Variants in ADD2 observed in about 807,000 individuals in gnomAD.
ADD2 encodes the protein adducin 2.
A neutral mutation model predicts 83.0 loss-of-function variants in ADD2; 23 were observed. That is an observed-to-expected ratio of 0.28 (90% CI 0.20 to 0.39). The LOEUF (loss-of-function observed/expected upper bound fraction) is 0.39, where lower values mean the gene tolerates loss of function less well. ADD2 is among the 10% of genes least tolerant of loss of function. The pLI is 1.00. For missense variants in ADD2, 758 were observed against 944.9 expected (o/e 0.80, Z 2.59); for synonymous variants, 375 against 375.4 (o/e 1.00, Z 0.01).
chr2:70,697,552 G>A (rs556764551), intron 4 of ADD2, among the ~76,000 whole-genome samples: 2 of 152,310 alleles, frequency 1.3e-5, no homozygotes, highest in East Asian at 3.9e-4. Flanking sequence ...AAAGGTTCTG[G>A]CTTAAAATGG....
intron 1 of ADD2, among the ~76,000 whole-genome samples, chr2:70,747,167 C>T (rs1190632396): frequency 6.6e-6 from 1 of 152,036 alleles, no homozygotes; most frequent in Admixed American, 6.5e-5. Context: ...CCCGCCACCA[C>T]ACCCAGCTAA....
rs1672185752 is a variant in ADD2, at chr2:70,711,658, A to T, written c.-35+1408T>A. ...AACACATTGATGTGCTGGGAGAGTT[A>T]TGGGCCTGGATTCCACAGGAGAGAG... On this transcript the variant is annotated intron_variant, in intron 2 of 15. Transcript: ENST00000264436. Among the ~76,000 whole-genome samples, 2 of 152,162 alleles carry T rather than the reference A, an allele frequency of 1.3e-5. 1 individual carries two copies. The highest frequency in any genetic ancestry group is 4.2e-4 in the South Asian group (2 of 4,816).
intron 1 of ADD2, among the ~76,000 whole-genome samples, chr2:70,754,183 T>C (rs1553383432): frequency 6.6e-6 from 1 of 152,174 alleles, no homozygotes; most frequent in Non-Finnish European, 1.5e-5. Flanking sequence ...CAAGTACTGT[T>C]AATTGCCTTT....
chr2:70,659,416 C>T lies in ADD2; in HGVS notation c.*4009G>A, dbSNP rs1261127584. On this transcript the variant is annotated 3_prime_UTR_variant, in exon 16 of 16. Transcript: ENST00000264436. ...CTGAATGACTGTCTTGCCATGTCAC[C>T]ATGAGCAAGTGACGGTATCATCCAC... 6.6e-6 allele frequency: 1 copy of T among 152,164 alleles called. No homozygotes were observed. Among genetic ancestry groups the T allele is most frequent in the Non-Finnish European group, 1.5e-5 (1 of 68,020 alleles). The allele number at this position is 152,164 out of a possible 1,614,324, so 9.4% of individuals were successfully genotyped here.
At chr2:70,731,761 G>A (rs1021102670) in intron 1 of ADD2, among the ~76,000 whole-genome samples, 2 of 152,182 alleles carry the variant, frequency 1.3e-5, no homozygotes, top group African/African-American at 2.4e-5. Context: ...ACCCCACAGC[G>A]ATGGACTGCT....
intron 1 of ADD2, among the ~76,000 whole-genome samples, chr2:70,715,256 G>C (rs1158852161): frequency 1.3e-4 from 20 of 152,182 alleles, no homozygotes; most frequent in African/African-American, 3.6e-4. Context: ...CCAGCACCTA[G>C]AGCAGGGCTG....
chr2:70,719,826 C>G (rs1553377021), intron 1 of ADD2, among the ~76,000 whole-genome samples: 1 of 152,150 alleles, frequency 6.6e-6, no homozygotes, highest in Non-Finnish European at 1.5e-5. Flanking sequence ...TCACCTCAAT[C>G]AAATTCAAAC....
At chr2:70,675,200 T>C in intron 13 of ADD2, 2 of 1,015,592 alleles carry the variant, frequency 2.0e-6, no homozygotes, top group Non-Finnish European at 2.4e-6. Flanking sequence ...CCAGCAAGCA[T>C]AGCATTGGCT....
intron 1 of ADD2, among the ~76,000 whole-genome samples, chr2:70,715,981 G>A (rs964550147): frequency 3.9e-5 from 6 of 152,034 alleles, no homozygotes; most frequent in Non-Finnish European, 8.8e-5. Flanking sequence ...TCACTGCCCT[G>A]CTAAAAATCC....
At chr2:70,664,608 AG>A (rs1284053523) in intron 15 of ADD2, among the ~76,000 whole-genome samples, 2 of 152,248 alleles carry the variant, frequency 1.3e-5, no homozygotes, top group Non-Finnish European at 2.9e-5. Context: ...AGAAGGCTGA[AG>A]AACACAGTAC....
At chr2:70,705,281 T>C (rs116438187) in intron 3 of ADD2, among the ~76,000 whole-genome samples, 1,545 of 152,274 alleles carry the variant, frequency 0.01, 30 homozygotes, top group African/African-American at 0.035. Flanking sequence ...GCACAGATAT[T>C]GGACCTCGGC....
chr2:70,669,924 C>T (rs1669833117), intron 15 of ADD2, among the ~76,000 whole-genome samples: 1 of 152,170 alleles, frequency 6.6e-6, no homozygotes. Context: ...CAGCTGAGCC[C>T]AGCCTTCTAG....
intron 2 of ADD2, among the ~76,000 whole-genome samples, chr2:70,707,705 T>C (rs1174657794): frequency 6.6e-6 from 1 of 152,252 alleles, no homozygotes; most frequent in African/African-American, 2.4e-5. Flanking sequence ...GCATGTACTT[T>C]GGCTGAACAA....
chr2:70,719,418 A>C (rs1459585131), intron 1 of ADD2, among the ~76,000 whole-genome samples: 2 of 152,196 alleles, frequency 1.3e-5, no homozygotes, highest in Non-Finnish European at 2.9e-5. Context: ...GTATAGGTTC[A>C]TGAAGGTCAC....
chr2:70,735,841 C>T (rs112356600), intron 1 of ADD2, among the ~76,000 whole-genome samples: 5,138 of 149,020 alleles, frequency 0.034, 326 homozygotes, highest in African/African-American at 0.12. Flanking sequence ...GCCTTAGGTG[C>T]CCGCAGCCAT....
chr2:70,695,136 A>G (rs1671244757), intron 6 of ADD2, among the ~76,000 whole-genome samples: 1 of 152,162 alleles, frequency 6.6e-6, no homozygotes, highest in Admixed American at 6.5e-5. Context: ...GAAGCCCCCA[A>G]GGTAGTGTCC....
chr2:70,753,145 G>A (rs1553383209), intron 1 of ADD2, among the ~76,000 whole-genome samples: 1 of 152,194 alleles, frequency 6.6e-6, no homozygotes, highest in Non-Finnish European at 1.5e-5. Context: ...AACAGCAAGT[G>A]AGGTAAGGGA....
At position 70,706,430 on chromosome 2, in the gene ADD2, C is replaced by T. The variant is rs781795877; in HGVS notation, c.-22G>A. The T allele has an allele frequency of 2.5e-6, 4 of 1,593,708 alleles. No homozygotes were observed. Among genetic ancestry groups the T allele is most frequent in the South Asian group, 2.2e-5 (2 of 89,652 alleles). On this transcript the variant is annotated 5_prime_UTR_variant, in exon 3 of 16. Coordinates refer to ENST00000264436, the MANE Select transcript of ADD2 (RefSeq NM_001617.4). The surrounding 1 kb of genome is among the most constrained non-coding windows in gnomAD (Gnocchi z 5.0). ...TCATTTTCCCGGTGGGTTTGCAATT[C>T]GCTCCTGGAACTCTACAGAGAAGGG...
intron 1 of ADD2, among the ~76,000 whole-genome samples, chr2:70,758,903 T>C (rs1478277427): frequency 6.6e-6 from 1 of 152,124 alleles, no homozygotes; most frequent in African/African-American, 2.4e-5. Flanking sequence ...CCAGGGGCAG[T>C]GTGGCCATAT....
Sources: allele counts gnomAD v4.1 joint callset (sites outside exome capture counted in the v4.1 genomes callset), GRCh38; gene constraint gnomAD v4.1.1; non-coding constraint Gnocchi (gnomAD v3.1); transcripts MANE v1.5; gene names NCBI Gene and HGNC (gene_info 2026-07-23, HGNC 2026-07-21).